The following CCDC102A variants were observed in gnomAD, a reference collection of about 807,000 sequenced individuals.
CCDC102A encodes coiled-coil domain-containing protein 102A.
CCDC102A carries 40 observed loss-of-function variants against 55.5 expected under a neutral mutation model. That is an observed-to-expected ratio of 0.72 (90% CI 0.56 to 0.94). The LOEUF is 0.94. CCDC102A is among the 40% of genes least tolerant of loss of function. The probability of loss-of-function intolerance (pLI) is 0.00; values close to 1 mark genes in which losing one functional copy is unlikely to be tolerated. For synonymous variants in CCDC102A, 323 were observed against 339.0 expected, an observed-to-expected ratio of 0.95 and a Z score of 0.52; for missense variants, 779 against 768.6, an observed-to-expected ratio of 1.01 and a Z score of -0.16.
chr16:57,524,095 T>C (rs1484604875), intron 3 of CCDC102A, among the ~76,000 whole-genome samples: 2 of 152,008 alleles, frequency 1.3e-5, no homozygotes, highest in Non-Finnish European at 2.9e-5. Context: ...AACCCTCTCT[T>C]CGGGTCACTG....
At chr16:57,515,146 CCTGA>C (rs1392991883) in intron 8 of CCDC102A, among the ~76,000 whole-genome samples, 191 bp downstream of exon 8, 1 of 152,178 alleles carries the variant, frequency 6.6e-6, no homozygotes, top group Non-Finnish European at 1.5e-5. Context: ...CTGCAGCTGG[CCTGA>C]CTTCCTGCAC....
At chr16:57,536,625 G>A (rs1344841860), upstream of CCDC102A, 1 of 152,168 alleles carries the variant, frequency 6.6e-6, no homozygotes, top group Non-Finnish European at 1.5e-5. Context: ...CTCCCTCCCG[G>A]GGGGAGGGGA....
intron 3 of CCDC102A, 55 bp downstream of exon 3, chr16:57,525,846 G>T: frequency 6.7e-7 from 1 of 1,483,544 alleles, no homozygotes; most frequent in Non-Finnish European, 9.4e-7. Flanking sequence ...GATTCTGAGG[G>T]CGTTGTAGCA....
chr16:57,523,075 G>A (rs1399569237), intron 3 of CCDC102A, among the ~76,000 whole-genome samples: 1 of 152,026 alleles, frequency 6.6e-6, no homozygotes, highest in Non-Finnish European at 1.5e-5. Flanking sequence ...GCTGACACAT[G>A]AGAATTGCTT....
intron 3 of CCDC102A, among the ~76,000 whole-genome samples, chr16:57,522,208 C>T (rs932571411): frequency 4.6e-5 from 7 of 152,236 alleles, no homozygotes; most frequent in Non-Finnish European, 5.9e-5. Context: ...AATGGAATCA[C>T]TGTATAAACT....
intron 1 of CCDC102A, among the ~76,000 whole-genome samples, chr16:57,533,463 C>T (rs555604207): frequency 4.2e-4 from 64 of 151,538 alleles, no homozygotes; most frequent in African/African-American, 1.3e-3. Flanking sequence ...CACATACAGC[C>T]CCAGTAATGC....
chr16:57,525,436 G>A (rs1197110646), intron 3 of CCDC102A, among the ~76,000 whole-genome samples: 1 of 152,066 alleles, frequency 6.6e-6, no homozygotes, highest in East Asian at 1.9e-4. Context: ...CTTCACTGGT[G>A]ACTCTTGCAT....
At chr16:57,527,418 C>CTT (rs779320962) in intron 2 of CCDC102A, among the ~76,000 whole-genome samples, 11 of 87,480 alleles carry the variant, frequency 1.3e-4, no homozygotes, top group Admixed American at 1.9e-4. Flanking sequence ...ATTGCTGCTG[C>CTT]TTTTTTTTTT....
chr16:57,526,427 T>C (rs1204023335), intron 2 of CCDC102A, among the ~76,000 whole-genome samples: 1 of 152,162 alleles, frequency 6.6e-6, no homozygotes, highest in East Asian at 1.9e-4. Context: ...GGGGCACCGA[T>C]GGGAACAAAT....
Position 57,512,407 on chromosome 16 carries a change from A to G in CCDC102A, c.*334T>C. On this transcript the variant is annotated 3_prime_UTR_variant, in exon 9 of 9. Transcript: ENST00000258214. ...GGTGGGGCTCCAACAACTGCCCCCA[A>G]CATGCCCAGCCCTGCATGAAGTCCT... 1 of 400,532 alleles carries G rather than the reference A, an allele frequency of 2.5e-6. No individual in the cohort carries two copies. The highest frequency in any genetic ancestry group is 4.4e-5 in the Admixed American group (1 of 22,958). The allele number at this position is 400,532 out of a possible 1,614,324, so 24.8% of individuals were successfully genotyped here.
chr16:57,528,489 GGAGGCCAGGCCTTTACTAGCTTGTTTCT>G (rs1163010202), intron 2 of CCDC102A, 76 bp downstream of exon 2: 16 of 844,578 alleles, frequency 1.9e-5, no homozygotes, highest in Non-Finnish European at 2.1e-5. Flanking sequence ...GAAACCTCCA[GGAGGCCAGGCCTTTACTAGCTTGTTTCT>G]GAGCCCAGCA....
Position 57,516,498 on chromosome 16 carries a change from G to A in CCDC102A, c.1249-35C>T, listed in dbSNP as rs1460509827. 6.3e-7 allele frequency: 1 copy of A among 1,585,794 alleles called. No homozygotes were observed. Among genetic ancestry groups the A allele is most frequent in the Non-Finnish European group, 8.6e-7 (1 of 1,166,230 alleles). On this transcript the variant is annotated intron_variant, in intron 6 of 8. Coordinates refer to ENST00000258214, the MANE Select transcript of CCDC102A (RefSeq NM_033212.4). The surrounding 1 kb of genome is among the most constrained non-coding windows in gnomAD (Gnocchi z 4.4). The stretch of plus-strand genomic sequence containing the variant: ...ACAGGGATGGGGTGGGAGGGAGGAG[G>A]GAATCAGTATCAGCTTGGGCGCCAT...
rs2032353797 is a variant in CCDC102A, at chr16:57,535,434, T to C, written c.-148+1066A>G. Among the ~76,000 whole-genome samples the C allele has an allele frequency of 2.0e-5, 3 of 152,178 alleles. 1 individual carries two copies. The South Asian group carries it at 6.2e-4, about 32-fold the overall frequency. ...AGGCCCAGAGGGACAGCTACGTGTC[T>C]GTGTCCACACCGCGGACCAGCAGCA... On this transcript the variant is annotated intron_variant, in intron 1 of 8. Transcript: ENST00000258214.
At chr16:57,528,525 G>T in intron 2 of CCDC102A, 68 bp downstream of exon 2, 1 of 1,053,430 alleles carries the variant, frequency 9.5e-7, no homozygotes, top group Non-Finnish European at 1.2e-6. Flanking sequence ...TCTGAGCCCA[G>T]CAGCTCAGGA....
chr16:57,536,084 C>T (rs1034564253), intron 1 of CCDC102A, among the ~76,000 whole-genome samples: 13 of 152,134 alleles, frequency 8.5e-5, no homozygotes, highest in Admixed American at 3.9e-4. Context: ...CCCCCATTGG[C>T]AGTCGCCGCG....
At position 57,534,425 on chromosome 16, in the gene CCDC102A, C is replaced by T. The variant is rs144227738; in HGVS notation, c.-148+2075G>A. 2.3e-3 allele frequency among the ~76,000 whole-genome samples: 343 copies of T among 152,358 alleles called. 1 individual carries two copies. Among genetic ancestry groups the T allele is most frequent in the African/African-American group, 8.0e-3 (334 of 41,574 alleles). On this transcript the variant is annotated intron_variant, in intron 1 of 8. Coordinates refer to ENST00000258214, the MANE Select transcript of CCDC102A (RefSeq NM_033212.4). ...CCCACAGAAAGTGACCCAGTGGTTC[C>T]TGTTGCTTGTGGACTTGTCTGGAAT...
intron 3 of CCDC102A, among the ~76,000 whole-genome samples, chr16:57,523,424 G>A (rs796555985): frequency 9.9e-5 from 15 of 152,008 alleles, no homozygotes; most frequent in African/African-American, 2.7e-4. Context: ...AACAATGTCC[G>A]CAAAAGCATC....
At chr16:57,520,084 G>A (rs1361055935) in intron 4 of CCDC102A, among the ~76,000 whole-genome samples, 3 of 152,132 alleles carry the variant, frequency 2.0e-5, no homozygotes, top group African/African-American at 7.2e-5. Context: ...CAGCTCCCTG[G>A]GCTGCCATGA....
intron 3 of CCDC102A, among the ~76,000 whole-genome samples, chr16:57,523,866 G>A (rs1479303960): frequency 2.0e-5 from 3 of 152,158 alleles, no homozygotes; most frequent in African/African-American, 7.2e-5. Flanking sequence ...CCATGTTGGA[G>A]GCGTGGAGTG....
Sources: gnomAD v4.1 joint callset for allele counts (sites outside exome capture counted in the v4.1 genomes callset) on GRCh38, gnomAD v4.1.1 for gene constraint, Gnocchi (gnomAD v3.1) non-coding constraint, MANE v1.5 for transcripts, NCBI Gene and HGNC (gene_info 2026-07-23, HGNC 2026-07-21) for gene names.